The following MYRIP variants were observed in gnomAD, a reference collection of about 807,000 sequenced individuals.
MYRIP encodes rab effector MyRIP.
Under a neutral mutation model 98.0 loss-of-function variants are expected in MYRIP, and 49 were observed. That is an observed-to-expected ratio of 0.50 (90% confidence interval 0.40 to 0.63). The LOEUF (loss-of-function observed/expected upper bound fraction) is 0.63. Among genes scored for constraint, MYRIP ranks in the 30% least tolerant of loss-of-function variants. The pLI is 0.00. For synonymous variants in MYRIP, 404 were observed against 409.5 expected, an observed-to-expected ratio of 0.99 and a Z score of 0.16; for missense variants, 1,004 against 1,058.2, an observed-to-expected ratio of 0.95 and a Z score of 0.71.
At chr3:40,084,085 C>T (rs372590010) in intron 3 of MYRIP, among the ~76,000 whole-genome samples, 75 of 127,410 alleles carry the variant, frequency 5.9e-4, no homozygotes, top group African/African-American at 2.0e-3. Context: ...TGCAGGGAGC[C>T]GAGATCACAC....
At chr3:39,903,693 T>A (rs1030134354) in intron 2 of MYRIP, among the ~76,000 whole-genome samples, 4 of 152,226 alleles carry the variant, frequency 2.6e-5, no homozygotes, top group African/African-American at 9.6e-5. Flanking sequence ...TATTGATTCC[T>A]CACTAAAGTC....
intron 2 of MYRIP, among the ~76,000 whole-genome samples, chr3:39,984,910 A>G (rs1461665995): frequency 6.6e-6 from 1 of 151,278 alleles, no homozygotes; most frequent in African/African-American, 2.4e-5. Context: ...CTTTTTAATG[A>G]TTGCCATTCT....
chr3:39,830,606 T>A (rs763267908), intron 1 of MYRIP, among the ~76,000 whole-genome samples: 24 of 152,202 alleles, frequency 1.6e-4, no homozygotes, highest in Non-Finnish European at 2.9e-4. Flanking sequence ...GTGACCAATA[T>A]GAAATGTCGC....
intron 1 of MYRIP, among the ~76,000 whole-genome samples, chr3:39,850,735 G>A (rs1312221672): frequency 6.6e-6 from 1 of 152,126 alleles, no homozygotes; most frequent in Non-Finnish European, 1.5e-5. Flanking sequence ...GTATAATTAT[G>A]TGGTCTAATT....
intron 13 of MYRIP, among the ~76,000 whole-genome samples, chr3:40,245,093 G>T (rs1400150098): frequency 6.6e-6 from 1 of 152,166 alleles, no homozygotes; most frequent in African/African-American, 2.4e-5. Flanking sequence ...CAATAAAAAT[G>T]GGGTGAACAA....
intron 6 of MYRIP, 54 bp from the exon 7 acceptor site, chr3:40,167,105 G>C: frequency 6.4e-7 from 1 of 1,571,320 alleles, no homozygotes; most frequent in African/African-American, 1.3e-5. Context: ...CAAAGTGACT[G>C]CCAAGTCACC....
chr3:39,995,203 T>C (rs976928078), intron 2 of MYRIP, among the ~76,000 whole-genome samples: 2 of 151,990 alleles, frequency 1.3e-5, no homozygotes, highest in South Asian at 2.1e-4. Flanking sequence ...CTTTGACAAG[T>C]TGAGAGAAGA....
At chr3:40,189,078 C>A (rs1311984024) in intron 9 of MYRIP, among the ~76,000 whole-genome samples, 1 of 152,210 alleles carries the variant, frequency 6.6e-6, no homozygotes, top group Non-Finnish European at 1.5e-5. Context: ...CTGCAGCTGG[C>A]CAAGGACTTC....
At chr3:40,182,440 C>T (rs908319496) in intron 9 of MYRIP, 67 bp downstream of exon 9, 23 of 1,529,484 alleles carry the variant, frequency 1.5e-5, no homozygotes, top group Middle Eastern at 1.8e-4. Flanking sequence ...GACATCTTGG[C>T]TATTGCATGG....
At chr3:40,207,673 G>T (rs1290258777) in intron 10 of MYRIP, among the ~76,000 whole-genome samples, 3 of 152,148 alleles carry the variant, frequency 2.0e-5, no homozygotes, top group Non-Finnish European at 4.4e-5. Context: ...CCAGATTATT[G>T]TTGCAAAATG....
At chr3:40,128,203 A>G (rs574790382) in intron 3 of MYRIP, among the ~76,000 whole-genome samples, 23 of 152,214 alleles carry the variant, frequency 1.5e-4, no homozygotes, top group African/African-American at 4.8e-4. Flanking sequence ...AGGGGCTTAC[A>G]TACAGGGGAG....
At chr3:39,998,123 C>T (rs941737935) in intron 2 of MYRIP, among the ~76,000 whole-genome samples, 2 of 152,172 alleles carry the variant, frequency 1.3e-5, no homozygotes, top group Non-Finnish European at 2.9e-5. Context: ...AAAACTGGCA[C>T]AAGACAGGGA....
chr3:40,172,803 T>C (rs1237640541), intron 8 of MYRIP, among the ~76,000 whole-genome samples: 1 of 152,168 alleles, frequency 6.6e-6, no homozygotes, highest in Non-Finnish European at 1.5e-5. Context: ...TGGCATCAGC[T>C]TGCTTCTCTT....
rs1575288154 is a variant in MYRIP at position 39,836,385 on chromosome 3, T to A, written c.-31+26469T>A. On this transcript the variant is annotated intron_variant, in intron 1 of 16. Coordinates refer to ENST00000302541, the MANE Select transcript of MYRIP (RefSeq NM_015460.4). ...TGCATATGTTTTTTGGCCACATAAATGTCTTCTTTTGAGAAGTGTCTGTTC... is the reference window on the plus strand; with the variant it reads ...TGCATATGTTTTTTGGCCACATAAAAGTCTTCTTTTGAGAAGTGTCTGTTC... Among the ~76,000 whole-genome samples, 3 of 152,242 alleles carry A rather than the reference T, an allele frequency of 2.0e-5. No homozygotes were observed. The East Asian group carries it at 5.8e-4, about 29-fold the overall frequency.
chr3:39,978,679 C>T (rs757302650), intron 2 of MYRIP, among the ~76,000 whole-genome samples: 11 of 152,218 alleles, frequency 7.2e-5, no homozygotes, highest in Non-Finnish European at 1.3e-4. Flanking sequence ...GCCAAGAAAT[C>T]AATTCATTCT....
intron 2 of MYRIP, among the ~76,000 whole-genome samples, chr3:39,949,628 A>C (rs1944966265): frequency 6.6e-6 from 1 of 152,090 alleles, no homozygotes; most frequent in Admixed American, 6.6e-5. Context: ...TGTCTTTCCA[A>C]AATATTATTG....
intron 2 of MYRIP, among the ~76,000 whole-genome samples, chr3:39,937,505 G>A (rs999428109): frequency 1.3e-5 from 2 of 152,134 alleles, no homozygotes; most frequent in Non-Finnish European, 2.9e-5. Context: ...TGGCCACCTG[G>A]TCCTTGTATA....
chr3:40,125,151 A>G (rs1290551414), intron 3 of MYRIP, among the ~76,000 whole-genome samples: 4 of 152,262 alleles, frequency 2.6e-5, no homozygotes, highest in Non-Finnish European at 4.4e-5. Context: ...CTTTGCAGCC[A>G]GATGGAGCTC....
chr3:40,175,942 C>T (rs1450555094), intron 8 of MYRIP, among the ~76,000 whole-genome samples: 1 of 152,258 alleles, frequency 6.6e-6, no homozygotes, highest in Non-Finnish European at 1.5e-5. Context: ...TGGGGATGTG[C>T]AGCTGCTGCT....
Sources: allele counts gnomAD v4.1 joint callset (sites outside exome capture counted in the v4.1 genomes callset), GRCh38; gene constraint gnomAD v4.1.1; transcripts MANE v1.5; gene names NCBI Gene and HGNC (gene_info 2026-07-23, HGNC 2026-07-21).